The following CPS1 variants were observed in gnomAD, a reference collection of about 807,000 sequenced individuals.
CPS1 encodes carbamoyl-phosphate synthase [ammonia], mitochondrial.
A neutral mutation model predicts 174.6 loss-of-function variants in CPS1; 109 were observed. That is an observed-to-expected ratio of 0.62 (90% CI 0.53 to 0.73). The LOEUF is 0.73. Among genes scored for constraint, CPS1 ranks in the 30% least tolerant of loss-of-function variants. CPS1 has a pLI of 0.00. For synonymous variants in CPS1, 637 were observed against 632.0 expected (o/e 1.01, Z -0.12); for missense variants, 1,689 against 1,821.9 (o/e 0.93, Z 1.33).
chr2:210,590,188 C>T lies in CPS1; in HGVS notation c.794C>T (p.Pro265Leu), dbSNP rs1433029121. 3.7e-6 allele frequency: 6 copies of T among 1,612,790 alleles called. No individual in the cohort carries two copies. The highest frequency in any genetic ancestry group is 2.2e-5 in the East Asian group (1 of 44,828). ...GATGGGATTTTGATCGCGGGAGGAC[C>T]GGGGAACCCAGCTCTTGCAGAACCA... ...EYDGILIAGGPGNPALAEPLI... is the reference protein window; with the variant it reads ...EYDGILIAGGLGNPALAEPLI... Residue 265 changes from proline (P) to leucine (L), a missense_variant, in exon 8 of 38, where the codon CCG (proline) becomes CTG (leucine). Physicochemically the swap from Pro to Leu is moderately conservative, Grantham distance 98 (BLOSUM62 -3). Transcript: ENST00000233072.
chr2:210,539,339 T>C (rs549618706), intron 1 of CPS1, among the ~76,000 whole-genome samples: 1 of 152,326 alleles, frequency 6.6e-6, no homozygotes, highest in Non-Finnish European at 1.5e-5. Flanking sequence ...AATTGGCATA[T>C]TGTGTTTTGT....
intron 1 of CPS1, among the ~76,000 whole-genome samples, chr2:210,543,222 A>G (rs1164525949): frequency 6.6e-6 from 1 of 152,138 alleles, no homozygotes; most frequent in Non-Finnish European, 1.5e-5. Flanking sequence ...TACAGCAATT[A>G]ATCTATTTCA....
At chr2:210,520,146 A>C (rs1695783738) in intron 1 of CPS1, among the ~76,000 whole-genome samples, 1 of 152,056 alleles carries the variant, frequency 6.6e-6, no homozygotes, top group South Asian at 2.1e-4. Flanking sequence ...ATAAATATAA[A>C]ACACATATAT....
chr2:210,602,041 C>T (rs1166978376), intron 15 of CPS1, among the ~76,000 whole-genome samples, 161 bp from the exon 16 acceptor site: 1 of 151,724 alleles, frequency 6.6e-6, no homozygotes, highest in Non-Finnish European at 1.5e-5. Context: ...ATTTGAGTAA[C>T]AACACTTGCT....
intron 31 of CPS1, among the ~76,000 whole-genome samples, chr2:210,659,215 T>G (rs1485604351): frequency 6.6e-6 from 1 of 152,166 alleles, no homozygotes; most frequent in Non-Finnish European, 1.5e-5. Context: ...TTTACTTGGC[T>G]TATGATTCTG....
At position 210,642,601 on chromosome 2, in the gene CPS1, A is replaced by C; in HGVS notation, c.3077A>C (p.Glu1026Ala). Residue 1026 changes from glutamate to alanine, a missense_variant, in exon 25 of 38, where the codon GAG becomes GCG. Glu to Ala is a moderately radical substitution (Grantham distance 107). Coordinates refer to ENST00000233072, the MANE Select transcript of CPS1 (RefSeq NM_001875.5). ...NPETVSTDFD[E>A]CDKLYFEELS... is the part of the protein sequence containing the mutation. ...GAGACTGTGAGCACAGACTTTGATGAGTGTGACAAACTGTACTTTGAAGAG... is the reference window on the plus strand; with the variant it reads ...GAGACTGTGAGCACAGACTTTGATGCGTGTGACAAACTGTACTTTGAAGAG... 6.2e-7 allele frequency: 1 copy of C among 1,614,118 alleles called. No individual in the cohort carries two copies.
chr2:210,612,093 T>G, intron 19 of CPS1, 24 bp from the exon 20 acceptor site: 1 of 1,606,906 alleles, frequency 6.2e-7, no homozygotes, highest in Non-Finnish European at 8.5e-7. Context: ...TCTTTCAATA[T>G]GAGGTCTTAA....
chr2:210,541,319 T>C (rs1031294847), intron 1 of CPS1, among the ~76,000 whole-genome samples: 3 of 152,098 alleles, frequency 2.0e-5, no homozygotes, highest in African/African-American at 7.2e-5. Context: ...CCAGAACAAA[T>C]TGTTGGATAA....
At chr2:210,519,707 A>G (rs369228477) in intron 1 of CPS1, 15 of 983,134 alleles carry the variant, frequency 1.5e-5, no homozygotes, top group East Asian at 2.3e-4. Flanking sequence ...GACAAACCCA[A>G]TTGAAACTTT....
intron 25 of CPS1, among the ~76,000 whole-genome samples, chr2:210,646,950 G>C (rs1700395504): frequency 1.3e-5 from 2 of 150,854 alleles, no homozygotes; most frequent in South Asian, 2.1e-4. Flanking sequence ...TTTTTTTCTT[G>C]AAGTTTTGAC....
intron 19 of CPS1, among the ~76,000 whole-genome samples, chr2:210,610,437 T>C (rs1056458791): frequency 2.6e-5 from 4 of 151,964 alleles, no homozygotes. Context: ...TTATAGATAA[T>C]TGAGATACAT....
intron 33 of CPS1, among the ~76,000 whole-genome samples, chr2:210,667,869 C>G (rs1422341968): frequency 6.6e-6 from 1 of 152,154 alleles, no homozygotes. Context: ...AAATAACTCT[C>G]AGTAGAATCC....
At chr2:210,634,823 A>G (rs1255983378) in intron 21 of CPS1, among the ~76,000 whole-genome samples, 3 of 152,220 alleles carry the variant, frequency 2.0e-5, no homozygotes, top group African/African-American at 4.8e-5. Flanking sequence ...GGCTACCCTC[A>G]CCATCCAGTT....
intron 1 of CPS1, among the ~76,000 whole-genome samples, chr2:210,497,013 T>A (rs1574468000): frequency 1.3e-5 from 2 of 152,300 alleles, no homozygotes; most frequent in East Asian, 3.9e-4. Flanking sequence ...TTTTAACTGA[T>A]TATATCTTTC....
At chr2:210,494,959 A>G (rs1694956449) in intron 1 of CPS1, among the ~76,000 whole-genome samples, 1 of 152,196 alleles carries the variant, frequency 6.6e-6, no homozygotes, top group African/African-American at 2.4e-5. Context: ...ATAACCTAGC[A>G]AGCTTCTAAA....
In CPS1 at chr2:210,612,290, C is replaced by A; in HGVS notation, c.2565C>A (p.Ala855=). ...GCAGCACGCGTATCTATGCCATTGC[C>A]AAGGTAAGATGTTACAAGGGGCCCA... ...EPSSTRIYAI[A]KAIDDNMSLD... The change falls in exon 20 of 38, where the codon GCC becomes GCA. Residue 855 remains alanine (A), a synonymous_variant. Transcript: ENST00000233072. The A allele has an allele frequency of 6.2e-7, 1 of 1,611,642 alleles. No homozygotes were observed. Among genetic ancestry groups the A allele is most frequent in the Admixed American group, 1.7e-5 (1 of 59,788 alleles).
chr2:210,530,473 T>G (rs919441443), intron 1 of CPS1, among the ~76,000 whole-genome samples: 2 of 152,114 alleles, frequency 1.3e-5, no homozygotes, highest in Non-Finnish European at 2.9e-5. Context: ...GCTAACCACT[T>G]TACAAGAGAG....
At chr2:210,595,404 T>A in intron 12 of CPS1, 83 bp from the exon 13 acceptor site, 1 of 923,404 alleles carries the variant, frequency 1.1e-6, no homozygotes, top group Non-Finnish European at 1.8e-6. Flanking sequence ...TCAGACAATG[T>A]GGTTTGTCTT....
chr2:210,662,565 T>C (rs1337648613), intron 32 of CPS1, among the ~76,000 whole-genome samples: 1 of 152,228 alleles, frequency 6.6e-6, no homozygotes, highest in Non-Finnish European at 1.5e-5. Flanking sequence ...GGCACTCCTA[T>C]ACTCTAGTTC....
Sources: allele counts gnomAD v4.1 joint callset (sites outside exome capture counted in the v4.1 genomes callset), GRCh38; gene constraint gnomAD v4.1.1; transcripts MANE v1.5; gene names NCBI Gene and HGNC (gene_info 2026-07-23, HGNC 2026-07-21).